The following MAPK14 variants were observed in gnomAD, a reference collection of about 807,000 sequenced individuals.
The protein encoded by MAPK14 is mitogen-activated protein kinase 14, also known as CSAID-binding protein.
A neutral mutation model predicts 49.6 loss-of-function variants in MAPK14; 16 were observed. The ratio of observed to expected loss-of-function variants is 0.32; its 90% CI spans 0.22 to 0.49. MAPK14 has a LOEUF of 0.49. Among genes scored for constraint, MAPK14 ranks in the 20% least tolerant of loss-of-function variants. The pLI is 0.99. For synonymous variants in MAPK14, 142 were observed against 158.0 expected (o/e 0.90, Z 0.76); for missense variants, 200 against 441.2 (o/e 0.45, Z 4.90).
chr6:36,039,496 T>A (rs1443918769), intron 1 of MAPK14, among the ~76,000 whole-genome samples: 1 of 152,170 alleles, frequency 6.6e-6, no homozygotes, highest in Non-Finnish European at 1.5e-5. Context: ...AGTATGTGTG[T>A]CTTACTGTCA....
chr6:36,092,953 T>G (rs1044625973), intron 8 of MAPK14, among the ~76,000 whole-genome samples: 2 of 152,154 alleles, frequency 1.3e-5, no homozygotes, highest in African/African-American at 4.8e-5. Flanking sequence ...AACAACTGTC[T>G]CTGATTATAA....
chr6:36,122,380 T>C, the MAPK14 span, among the ~76,000 whole-genome samples: 170 of 152,350 alleles, frequency 1.1e-3, no homozygotes, highest in African/African-American at 3.8e-3. Flanking sequence ...CAGCAGAGAC[T>C]GCCCCAGGCA....
intron 8 of MAPK14, among the ~76,000 whole-genome samples, 176 bp from the exon 9 acceptor site, chr6:36,095,811 G>A (rs1321962248): frequency 1.3e-5 from 2 of 151,904 alleles, no homozygotes; most frequent in Non-Finnish European, 2.9e-5. Flanking sequence ...CATGCCCTAC[G>A]TGAAGTGATC....
At chr6:36,031,565 C>T (rs901215069) in intron 1 of MAPK14, among the ~76,000 whole-genome samples, 30 of 151,984 alleles carry the variant, frequency 2.0e-4, no homozygotes, top group Admixed American at 1.5e-3. Context: ...ACACCATGCC[C>T]GGATGATTTT....
chr6:36,108,513 C>T lies in MAPK14; in HGVS notation c.*66C>T. The T allele has an allele frequency of 7.8e-7, 1 of 1,286,562 alleles. No individual in the cohort carries two copies. Among genetic ancestry groups the T allele is most frequent in the Admixed American group, 1.7e-5 (1 of 59,368 alleles). The allele number at this position is 1,286,562 out of a possible 1,614,324, so 79.7% of individuals were successfully genotyped here. On this transcript the variant is annotated 3_prime_UTR_variant, in exon 12 of 12. Transcript: ENST00000229794. Reference sequence around the variant, plus strand: ...GGGAAGGCCTTTTCACGGGAACTCTCCAAATATTATTCAAGTGCCTCTTGT... The same window carrying T: ...GGGAAGGCCTTTTCACGGGAACTCTTCAAATATTATTCAAGTGCCTCTTGT...
Position 36,107,924 on chromosome 6 carries a change from T to C in MAPK14, c.1015+296T>C, listed in dbSNP as rs1001681272. Among the ~76,000 whole-genome samples the C allele has an allele frequency of 2.0e-5, 3 of 152,242 alleles. No homozygotes were observed. The highest frequency in any genetic ancestry group is 4.4e-5 in the Non-Finnish European group (3 of 68,038). On this transcript the variant is annotated intron_variant, in intron 11 of 11. Coordinates refer to ENST00000229794, the MANE Select transcript of MAPK14 (RefSeq NM_139012.3). This position sits in a 1 kb window ranked among gnomAD's most constrained non-coding sequence, Gnocchi z 4.3. Reference sequence around the variant, plus strand: ...TCTCTGAGCTTTTACAGTTTTACAATTAGTAGAACTGGGGCAAAGAGAATT... The same window carrying C: ...TCTCTGAGCTTTTACAGTTTTACAACTAGTAGAACTGGGGCAAAGAGAATT...
intron 7 of MAPK14, among the ~76,000 whole-genome samples, 185 bp downstream of exon 7, chr6:36,076,147 T>A (rs1207354087): frequency 6.6e-6 from 1 of 152,224 alleles, no homozygotes; most frequent in Non-Finnish European, 1.5e-5. Context: ...ATACACAGCT[T>A]TTAAACCTTG....
chr6:36,072,776 A>G (rs879029662), intron 3 of MAPK14, 97 bp from the exon 4 acceptor site: 4 of 670,320 alleles, frequency 6.0e-6, no homozygotes, highest in Admixed American at 3.1e-5. Context: ...AAACAAAAAC[A>G]AAAACCAAAA....
chr6:36,045,292 A>G (rs1225316433), intron 1 of MAPK14, among the ~76,000 whole-genome samples: 1 of 152,208 alleles, frequency 6.6e-6, no homozygotes, highest in African/African-American at 2.4e-5. Context: ...GTTGATTAGG[A>G]CATTTTTACC....
intron 1 of MAPK14, among the ~76,000 whole-genome samples, chr6:36,042,287 T>C (rs958898653): frequency 6.6e-6 from 1 of 152,038 alleles, no homozygotes; most frequent in Non-Finnish European, 1.5e-5. Context: ...AGTTGTGAAC[T>C]GTGGAGGAAA....
In MAPK14 at chr6:36,107,790, C is replaced by T. The variant is rs867828148; in HGVS notation, c.1015+162C>T. Among the ~76,000 whole-genome samples the T allele has an allele frequency of 6.6e-6, 1 of 152,244 alleles. No individual in the cohort carries two copies. Among genetic ancestry groups the T allele is most frequent in the African/African-American group, 2.4e-5 (1 of 41,464 alleles). ...GGAAACTGTTGTAGACAGTGATACT[C>T]TCTGGACCTTTGAGATACTTATGTC... On this transcript the variant is annotated intron_variant, in intron 11 of 11. Coordinates refer to ENST00000229794, the MANE Select transcript of MAPK14 (RefSeq NM_139012.3). This position sits in a 1 kb window ranked among gnomAD's most constrained non-coding sequence, Gnocchi z 4.3.
chr6:36,096,146 G>A (rs1765436490), intron 9 of MAPK14, 80 bp downstream of exon 9: 1 of 999,852 alleles, frequency 1.0e-6, no homozygotes, highest in Non-Finnish European at 1.6e-6. Context: ...TTTGACCTGG[G>A]TGTGTTTGTA....
rs1200254546 is a variant in MAPK14 at position 36,075,892 on chromosome 6, A to C, written c.540A>C (p.Thr180=). ...CTCGGCACACAGATGATGAAATGAC[A>C]GGCTACGTGGCCACTAGGTGGTACA... ...GLARHTDDEM[T]GYVATRWYRA... The change falls in exon 7 of 12, where the codon ACA becomes ACC. Residue 180 remains threonine (T), a synonymous_variant. Coordinates refer to ENST00000229794, the MANE Select transcript of MAPK14 (RefSeq NM_139012.3). The C allele has an allele frequency of 1.2e-6, 2 of 1,614,008 alleles. No homozygotes were observed. The highest frequency in any genetic ancestry group is 8.5e-7 in the Non-Finnish European group (1 of 1,179,970).
rs386358922 is a variant in MAPK14 at position 36,065,507 on chromosome 6, GGTGTGTGTGTGTGT to G, written c.305+6187_305+6200del. On this transcript the variant is annotated intron_variant, in intron 3 of 11. Coordinates refer to ENST00000229794, the MANE Select transcript of MAPK14 (RefSeq NM_139012.3). Reference sequence around the variant, plus strand: ...GAGAGAGGGAGCTGAGGGCAGAAAAGGTGTGTGTGTGTGTGTGTGTGTGTGTGTGTGTGTGTGTG... The same window carrying G: ...GAGAGAGGGAGCTGAGGGCAGAAAAGGTGTGTGTGTGTGTGTGTGTGTGTG... 3.3e-5 allele frequency among the ~76,000 whole-genome samples: 4 copies of G among 122,454 alleles called. No individual in the cohort carries two copies. In the East Asian group the frequency reaches 6.8e-4, roughly 21 times the overall value. The allele number at this position is 122,454 out of a possible 152,430, so 80.3% of individuals were successfully genotyped here.
chr6:36,106,799 G>T (rs1403553455), intron 10 of MAPK14, among the ~76,000 whole-genome samples: 2 of 151,716 alleles, frequency 1.3e-5, no homozygotes, highest in African/African-American at 4.8e-5. Context: ...AATTCCCTTT[G>T]ATTTTAATAC....
chr6:36,049,739 G>A (rs1763321790), intron 1 of MAPK14, among the ~76,000 whole-genome samples: 2 of 152,196 alleles, frequency 1.3e-5, no homozygotes, highest in African/African-American at 4.8e-5. Context: ...CCAGTAGATA[G>A]GGAGACACTG....
rs574360543 is a variant in MAPK14 at position 36,101,099 on chromosome 6, A to G, written c.763-1472A>G. ...TCTTTTCAAATCAGAAAGATTCTCA[A>G]TTGCTTTTCAAAGCAGACCTTTCCT... On this transcript the variant is annotated intron_variant, in intron 9 of 11. Coordinates refer to ENST00000229794, the MANE Select transcript of MAPK14 (RefSeq NM_139012.3). Among the ~76,000 whole-genome samples the G allele has an allele frequency of 5.9e-5, 9 of 152,258 alleles. No homozygotes were observed. The South Asian group carries it at 8.3e-4, about 14-fold the overall frequency.
chr6:36,034,157 G>T (rs913082896), intron 1 of MAPK14, among the ~76,000 whole-genome samples: 1 of 152,162 alleles, frequency 6.6e-6, no homozygotes, highest in Non-Finnish European at 1.5e-5. Context: ...AGTTCCACCA[G>T]TGTCATTGCC....
chr6:36,068,834 G>A (rs963040258), intron 3 of MAPK14, among the ~76,000 whole-genome samples: 1 of 152,144 alleles, frequency 6.6e-6, no homozygotes, highest in Non-Finnish European at 1.5e-5. Context: ...AAGCATTTAT[G>A]ACAGAGTTCT....
Sources: gnomAD v4.1 joint callset for allele counts (sites outside exome capture counted in the v4.1 genomes callset) on GRCh38, gnomAD v4.1.1 for gene constraint, Gnocchi (gnomAD v3.1) non-coding constraint, MANE v1.5 for transcripts, NCBI Gene and HGNC (gene_info 2026-07-23, HGNC 2026-07-21) for gene names.